Variants in DCX observed in about 807,000 individuals in gnomAD.
DCX encodes the protein neuronal migration protein doublecortin.
Under a neutral mutation model 20.9 loss-of-function variants are expected in DCX, and 4 were observed. The observed-to-expected ratio is 0.19, with a 90% CI of 0.09 to 0.44. The LOEUF (loss-of-function observed/expected upper bound fraction) is 0.44, where lower values mean the gene tolerates loss of function less well. Ranked by LOEUF, DCX falls within the 20% of genes least tolerant of loss-of-function variation. DCX has a pLI of 0.99. For synonymous variants in DCX, 103 were observed against 111.4 expected, an observed-to-expected ratio of 0.92 and a Z score of 0.47; for missense variants, 133 against 296.9, an observed-to-expected ratio of 0.45 and a Z score of 4.06.
chrX:111,360,568 G>C (rs1301842939), intron 3 of DCX, among the ~76,000 whole-genome samples: 4 of 111,307 alleles, frequency 3.6e-5, no homozygotes, highest in Non-Finnish European at 7.5e-5. Flanking sequence ...TAATTTAATT[G>C]TACATTTAAA....
chrX:111,369,666 A>G (rs1048774554), intron 3 of DCX, among the ~76,000 whole-genome samples: 2 of 112,021 alleles, frequency 1.8e-5, no homozygotes, highest in African/African-American at 6.5e-5. Context: ...CTATTAGCAC[A>G]TATTTCCAAG....
At chrX:111,357,423 C>T (rs973933585) in intron 3 of DCX, among the ~76,000 whole-genome samples, 2 of 111,755 alleles carry the variant, frequency 1.8e-5, no homozygotes, top group Admixed American at 9.5e-5. Context: ...ATGATGAAGG[C>T]TCTGCAGCCT....
intron 3 of DCX, among the ~76,000 whole-genome samples, chrX:111,370,484 A>C (rs1022480727): frequency 3.1e-4 from 35 of 111,640 alleles, no homozygotes; most frequent in African/African-American, 1.0e-3. Context: ...TTTGAGAGGC[A>C]CTTGTCTATA....
At chrX:111,347,742 G>T (rs949088864) in intron 3 of DCX, among the ~76,000 whole-genome samples, 2 of 110,292 alleles carry the variant, frequency 1.8e-5, no homozygotes, top group Non-Finnish European at 3.8e-5. Flanking sequence ...TCTTTACATT[G>T]GTCTTTTGGC....
chrX:111,410,483 G>A, intron 1 of DCX, 63 bp from the exon 2 acceptor site: 2 of 1,162,793 alleles, frequency 1.7e-6, no homozygotes, highest in Admixed American at 2.2e-5. Flanking sequence ...CAAGGAGAAG[G>A]AAAAAAGAAG....
intron 3 of DCX, among the ~76,000 whole-genome samples, chrX:111,372,082 C>T (rs138273780): frequency 4.5e-5 from 5 of 110,867 alleles, no homozygotes; most frequent in African/African-American, 6.6e-5. Context: ...GTTGCTGGTC[C>T]ACACCTTGGT....
At chrX:111,326,740 C>A (rs1292860433) in intron 5 of DCX, among the ~76,000 whole-genome samples, 1 of 111,509 alleles carries the variant, frequency 9.0e-6, no homozygotes, top group Non-Finnish European at 1.9e-5. Context: ...CCATTTGGGG[C>A]AAACTCAATA....
intron 3 of DCX, among the ~76,000 whole-genome samples, chrX:111,384,642 T>G (rs1301845856): frequency 8.9e-6 from 1 of 112,109 alleles, no homozygotes. Context: ...CACAGTCAGC[T>G]ATTAATGGAA....
At position 111,298,083 on chromosome X, in the gene DCX, A is replaced by T. The variant is rs1368533134; in HGVS notation, c.*3604T>A. 1 of 111,902 alleles carries T rather than the reference A, an allele frequency of 8.9e-6. No individual in the cohort carries two copies. The highest frequency in any genetic ancestry group is 1.9e-5 in the Non-Finnish European group (1 of 53,189). 9.2% of individuals were successfully genotyped at this position (111,902 alleles called of 1,213,427 possible). ...TGAAAAGCCATCTCAGAAAGTTAGG[A>T]TGAACAAAGCTATTGTTCCACTCTT... On this transcript the variant is annotated 3_prime_UTR_variant, in exon 7 of 7. Coordinates refer to ENST00000636035, the MANE Select transcript of DCX (RefSeq NM_001195553.2).
intron 5 of DCX, among the ~76,000 whole-genome samples, chrX:111,322,749 G>A (rs2095089589): frequency 8.9e-6 from 1 of 112,364 alleles, no homozygotes; most frequent in African/African-American, 3.2e-5. Context: ...AGCAAGAACT[G>A]AGAGCCTGGG....
At position 111,302,034 on chromosome X, in the gene DCX, G is replaced by C. The variant is rs1044100374; in HGVS notation, c.1045-291C>G. ...TTTTATCATGTGTGTATATTTGTGT[G>C]ACCATCGCCACAGTCAAGATACAGA... On this transcript the variant is annotated intron_variant, in intron 6 of 6. Transcript: ENST00000636035. 6.3e-5 allele frequency among the ~76,000 whole-genome samples: 7 copies of C among 110,430 alleles called. No homozygotes were observed. The East Asian group carries it at 2.0e-3, about 31-fold the overall frequency.
At chrX:111,395,799 T>C (rs1239122479) in intron 3 of DCX, among the ~76,000 whole-genome samples, 2 of 112,427 alleles carry the variant, frequency 1.8e-5, no homozygotes, top group Non-Finnish European at 3.8e-5. Flanking sequence ...TTTATGCCCA[T>C]GTGGCCTTTT....
At chrX:111,402,333 G>A (rs868407417) in intron 2 of DCX, among the ~76,000 whole-genome samples, 1 of 111,779 alleles carries the variant, frequency 8.9e-6, no homozygotes, top group Non-Finnish European at 1.9e-5. Flanking sequence ...CTGGGACTAT[G>A]AGCTGAAGAA....
rs1365087719 is a variant in DCX, at chrX:111,361,661, G to C, written c.706-28508C>G. ...ACAACGAAGTTATTTTCCATCAAAG[G>C]CTCATTTGTAGCTTCTTGTTTCCTC... On this transcript the variant is annotated intron_variant, in intron 3 of 6. Transcript: ENST00000636035. Among the ~76,000 whole-genome samples, 11 of 112,036 alleles carry C rather than the reference G, an allele frequency of 9.8e-5. No homozygotes were observed. In the Admixed American group the frequency reaches 1.0e-3, roughly 11 times the overall value.
chrX:111,347,459 C>T (rs949037011), intron 3 of DCX, among the ~76,000 whole-genome samples: 63 of 111,655 alleles, frequency 5.6e-4, no homozygotes, highest in Admixed American at 1.7e-3. Flanking sequence ...CACCGATTTC[C>T]TTTGGCTTGC....
At chrX:111,338,696 C>CTTTTTTTTTTT (rs200133621) in intron 3 of DCX, among the ~76,000 whole-genome samples, 1 of 94,200 alleles carries the variant, frequency 1.1e-5, no homozygotes, top group African/African-American at 3.9e-5. Context: ...TCTGTAGTGC[C>CTTTTTTTTTTT]TTTTTTTTTT....
intron 3 of DCX, among the ~76,000 whole-genome samples, chrX:111,360,128 A>G (rs1924085891): frequency 8.9e-6 from 1 of 112,264 alleles, no homozygotes; most frequent in Non-Finnish European, 1.9e-5. Context: ...ATAGAATATT[A>G]TACAGCTGTT....
intron 3 of DCX, among the ~76,000 whole-genome samples, chrX:111,336,946 A>AAAG: frequency 9.0e-6 from 1 of 111,482 alleles, no homozygotes; most frequent in Non-Finnish European, 1.9e-5. Context: ...GGGAGAAAAG[A>AAAG]AAGAAGAAGA....
chrX:111,348,034 C>A (rs1274407742), intron 3 of DCX, among the ~76,000 whole-genome samples: 1 of 112,219 alleles, frequency 8.9e-6, no homozygotes, highest in Non-Finnish European at 1.9e-5. Context: ...GTGCCCTTAT[C>A]TTCATTACCT....
Sources: gnomAD v4.1 joint callset for allele counts (sites outside exome capture counted in the v4.1 genomes callset) on GRCh38, gnomAD v4.1.1 for gene constraint, MANE v1.5 for transcripts, NCBI Gene and HGNC (gene_info 2026-07-23, HGNC 2026-07-21) for gene names.